The following CAB39 variants were observed in gnomAD, a reference collection of about 807,000 sequenced individuals.
CAB39 encodes the protein calcium binding protein 39, also known as calcium-binding protein 39.
CAB39 carries 8 observed loss-of-function variants against 40.0 expected under a neutral mutation model. That is an observed-to-expected ratio of 0.20 (90% CI 0.12 to 0.36). The LOEUF is 0.36. Ranked by LOEUF, CAB39 falls within the 10% of genes least tolerant of loss-of-function variation. The pLI, the probability that CAB39 is intolerant of heterozygous loss-of-function variation, is 1.00. For missense variants in CAB39, 270 were observed against 401.1 expected (o/e 0.67, Z 2.79); for synonymous variants, 156 against 141.6 (o/e 1.10, Z -0.72).
chr2:230,758,201 G>A (rs140923716), intron 1 of CAB39, among the ~76,000 whole-genome samples: 252 of 151,356 alleles, frequency 1.7e-3, no homozygotes, highest in African/African-American at 5.6e-3. Context: ...GGAGGCTAAC[G>A]CTGAGGCACA....
In CAB39 at chr2:230,819,982, G is replaced by T. The variant is rs995052894; in HGVS notation, c.*1278G>T. 1 of 152,544 alleles carries T rather than the reference G, an allele frequency of 6.6e-6. No homozygotes were observed. Among genetic ancestry groups the T allele is most frequent in the Admixed American group, 6.5e-5 (1 of 15,274 alleles). The allele number at this position is 152,544 out of a possible 1,614,324, so 9.4% of individuals were successfully genotyped here. A position where few individuals can be genotyped will look rare whatever the true frequency, so the allele number is the denominator to read the frequency against. On this transcript the variant is annotated 3_prime_UTR_variant, in exon 9 of 9. Transcript: ENST00000258418. The stretch of plus-strand genomic sequence containing the variant: ...GGAAAAGACGACTTCCTAGTCATAG[G>T]TGTCCTATGGGGAAATTTATTTTTT...
At position 230,804,948 on chromosome 2, in the gene CAB39, G is replaced by A. The variant is rs564010688; in HGVS notation, c.568-5315G>A. The stretch of plus-strand genomic sequence containing the variant: ...TACTACTATGAAGACACATGCACAC[G>A]TATATTTACTGTTGCACTATTCACA... On this transcript the variant is annotated intron_variant, in intron 5 of 8. Transcript: ENST00000258418. Among the ~76,000 whole-genome samples, 4 of 152,250 alleles carry A rather than the reference G, an allele frequency of 2.6e-5. No individual in the cohort carries two copies. The East Asian group carries it at 5.8e-4, about 22-fold the overall frequency.
intron 1 of CAB39, among the ~76,000 whole-genome samples, chr2:230,737,359 C>G (rs1280493560): frequency 6.6e-6 from 1 of 152,136 alleles, no homozygotes; most frequent in Non-Finnish European, 1.5e-5. Context: ...TGTTATGGAA[C>G]AAGCTCACCC....
At chr2:230,743,648 A>G (rs1575914693) in intron 1 of CAB39, among the ~76,000 whole-genome samples, 2 of 152,194 alleles carry the variant, frequency 1.3e-5, no homozygotes, top group Admixed American at 6.5e-5. Flanking sequence ...CTTGATATTC[A>G]GTCATAACTA....
At chr2:230,719,445 C>G (rs75433271) in intron 1 of CAB39, among the ~76,000 whole-genome samples, 227 of 152,106 alleles carry the variant, frequency 1.5e-3, no homozygotes, top group South Asian at 3.1e-3. Flanking sequence ...TAAATAGATC[C>G]GAATTTGGAT....
chr2:230,729,864 G>A (rs887604115), intron 1 of CAB39, among the ~76,000 whole-genome samples: 6 of 151,962 alleles, frequency 3.9e-5, no homozygotes, highest in African/African-American at 1.5e-4. Context: ...AATAAAAAAT[G>A]AAATGCCCAG....
intron 4 of CAB39, among the ~76,000 whole-genome samples, chr2:230,794,827 T>C (rs1396542674): frequency 7.6e-6 from 1 of 132,194 alleles, no homozygotes; most frequent in Non-Finnish European, 1.5e-5. Context: ...CCCTTTTTCC[T>C]CTGACACATG....
intron 1 of CAB39, among the ~76,000 whole-genome samples, chr2:230,742,006 A>G (rs1301393660): frequency 1.3e-5 from 2 of 152,210 alleles, no homozygotes; most frequent in Admixed American, 1.3e-4. Context: ...AGAATGGCTT[A>G]TTTCAGAAAG....
intron 1 of CAB39, among the ~76,000 whole-genome samples, chr2:230,749,613 C>A (rs13423530): frequency 0.36 from 53,967 of 151,932 alleles, 13,392 homozygotes; most frequent in African/African-American, 0.71. Context: ...AAGTGTTTTC[C>A]CTTAAGAGGA....
chr2:230,717,373 G>T (rs1420205529), intron 1 of CAB39, among the ~76,000 whole-genome samples: 1 of 152,144 alleles, frequency 6.6e-6, no homozygotes, highest in Non-Finnish European at 1.5e-5. Context: ...ATTACAGAAG[G>T]AATTGAGCTG....
intron 1 of CAB39, among the ~76,000 whole-genome samples, chr2:230,749,493 T>C (rs575386717): frequency 6.6e-6 from 1 of 152,230 alleles, no homozygotes; most frequent in Non-Finnish European, 1.5e-5. Flanking sequence ...AATATAAATA[T>C]CAATTCATGT....
At chr2:230,787,295 TATG>T (rs1695810000) in intron 2 of CAB39, among the ~76,000 whole-genome samples, 1 of 152,230 alleles carries the variant, frequency 6.6e-6, no homozygotes, top group East Asian at 1.9e-4. Flanking sequence ...GATTCAAAGA[TATG>T]ATGGGCTCTA....
chr2:230,780,581 G>T (rs906272995), intron 2 of CAB39, among the ~76,000 whole-genome samples: 1 of 152,138 alleles, frequency 6.6e-6, no homozygotes, highest in Non-Finnish European at 1.5e-5. Context: ...TTTATAGAGT[G>T]TCCCTTGATT....
At chr2:230,797,932 C>T (rs904161708) in intron 4 of CAB39, among the ~76,000 whole-genome samples, 1 of 152,030 alleles carries the variant, frequency 6.6e-6, no homozygotes, top group African/African-American at 2.4e-5. Context: ...GGAAAGAAAG[C>T]CAGTGCATGC....
intron 5 of CAB39, among the ~76,000 whole-genome samples, chr2:230,799,567 A>C (rs1696049470): frequency 6.6e-6 from 1 of 152,244 alleles, no homozygotes; most frequent in African/African-American, 2.4e-5. Context: ...TTTGAGTTAC[A>C]AGGTTCTATG....
chr2:230,754,219 G>T (rs941210101), intron 1 of CAB39, among the ~76,000 whole-genome samples: 3 of 152,072 alleles, frequency 2.0e-5, no homozygotes, highest in African/African-American at 7.2e-5. Context: ...GTTCTTTAGT[G>T]GTTTGTGAGG....
intron 2 of CAB39, among the ~76,000 whole-genome samples, chr2:230,760,632 G>A (rs1695272758): frequency 6.6e-6 from 1 of 152,104 alleles, no homozygotes; most frequent in Non-Finnish European, 1.5e-5. Flanking sequence ...TCTTGAAATC[G>A]GTTCTTCCCC....
intron 2 of CAB39, among the ~76,000 whole-genome samples, chr2:230,763,078 T>G (rs889975438): frequency 2.6e-5 from 4 of 152,236 alleles, no homozygotes; most frequent in African/African-American, 4.8e-5. Flanking sequence ...CAATATTTAT[T>G]AATACATTTA....
At chr2:230,733,513 C>G (rs1215332109) in intron 1 of CAB39, among the ~76,000 whole-genome samples, 1 of 152,158 alleles carries the variant, frequency 6.6e-6, no homozygotes. Context: ...ACTTCTGGCT[C>G]TAAAGTATTC....
Sources: allele counts gnomAD v4.1 joint callset (sites outside exome capture counted in the v4.1 genomes callset), GRCh38; gene constraint gnomAD v4.1.1; transcripts MANE v1.5; gene names NCBI Gene and HGNC (gene_info 2026-07-23, HGNC 2026-07-21).